The following RSPH14 variants were observed in gnomAD, a reference collection of about 807,000 sequenced individuals.
The protein encoded by RSPH14 is radial spoke head 14 homolog.
Under a neutral mutation model 26.7 loss-of-function variants are expected in RSPH14, and 20 were observed. That is an observed-to-expected ratio of 0.75 (90% CI 0.53 to 1.09). The LOEUF (loss-of-function observed/expected upper bound fraction) is 1.09, where lower values mean the gene tolerates loss of function less well. Among genes scored for constraint, RSPH14 ranks in the 50% least tolerant of loss-of-function variants. The probability of loss-of-function intolerance (pLI) is 0.00; values close to 1 mark genes in which losing one functional copy is unlikely to be tolerated. For missense variants in RSPH14, 449 were observed against 457.2 expected (o/e 0.98, Z 0.16); for synonymous variants, 177 against 189.3 (o/e 0.93, Z 0.53).
chr22:23,076,618 GC>G (rs1382678956), intron 4 of RSPH14, among the ~76,000 whole-genome samples: 1 of 152,254 alleles, frequency 6.6e-6, no homozygotes, highest in Non-Finnish European at 1.5e-5. Context: ...GTGGACAGAT[GC>G]CTCGGGCTGA....
chr22:23,083,799 G>A (rs746588768), intron 4 of RSPH14, among the ~76,000 whole-genome samples: 4 of 152,190 alleles, frequency 2.6e-5, no homozygotes, highest in Non-Finnish European at 4.4e-5. Flanking sequence ...CCGAACCAGC[G>A]GCACACCACA....
At chr22:23,170,211 A>C in the RSPH14 span, among the ~76,000 whole-genome samples, 1 of 152,234 alleles carries the variant, frequency 6.6e-6, no homozygotes, top group East Asian at 1.9e-4. Context: ...TATATCCTCC[A>C]AAGAACTGAA....
upstream of RSPH14, among the ~76,000 whole-genome samples, chr22:23,142,503 A>G (rs2070621902): frequency 6.6e-6 from 1 of 152,140 alleles, no homozygotes; most frequent in African/African-American, 2.4e-5. Flanking sequence ...ACACCCAGCT[A>G]ATTTTTGTAT....
intron 4 of RSPH14, among the ~76,000 whole-genome samples, chr22:23,075,706 A>G (rs961061751): frequency 5.9e-5 from 9 of 152,178 alleles, no homozygotes; most frequent in African/African-American, 1.7e-4. Flanking sequence ...GCAGCCTCCA[A>G]CCAGAAACAC....
At chr22:23,096,038 G>A in intron 4 of RSPH14, 1 of 1,606,986 alleles carries the variant, frequency 6.2e-7, no homozygotes. Flanking sequence ...GGGCCCCGCT[G>A]AGAGCAAGGG....
intron 4 of RSPH14, among the ~76,000 whole-genome samples, chr22:23,099,034 G>T (rs2069212189): frequency 6.6e-6 from 1 of 152,270 alleles, no homozygotes; most frequent in African/African-American, 2.4e-5. Context: ...CAGTGCCAGG[G>T]CTCTGGACAC....
intron 1 of RSPH14, among the ~76,000 whole-genome samples, chr22:23,141,492 A>C (rs966180548): frequency 6.6e-6 from 1 of 152,140 alleles, no homozygotes; most frequent in Non-Finnish European, 1.5e-5. Flanking sequence ...CTGCAGCTTC[A>C]AAGGGGAGAT....
intron 3 of RSPH14, chr22:23,136,173 G>T: frequency 1.5e-6 from 1 of 679,858 alleles, no homozygotes; most frequent in Non-Finnish European, 2.7e-6. Context: ...GTTTGCCTGT[G>T]TGCCTCCTCA....
At chr22:23,067,249 C>T (rs190423695) in intron 4 of RSPH14, among the ~76,000 whole-genome samples, 1 of 152,132 alleles carries the variant, frequency 6.6e-6, no homozygotes, top group East Asian at 1.9e-4. Flanking sequence ...GTGCTGACAC[C>T]ATGTTGAGGG....
At chr22:23,141,106 G>A (rs908243925) in intron 1 of RSPH14, among the ~76,000 whole-genome samples, 5 of 152,074 alleles carry the variant, frequency 3.3e-5, no homozygotes, top group Admixed American at 1.3e-4. Context: ...CGAGGCAGGC[G>A]GATCACAAGG....
At chr22:23,078,804 C>G (rs1053119013) in intron 4 of RSPH14, among the ~76,000 whole-genome samples, 5 of 152,214 alleles carry the variant, frequency 3.3e-5, no homozygotes, top group Non-Finnish European at 7.3e-5. Flanking sequence ...GGGGTAGCAA[C>G]AGAAGCCCAG....
the RSPH14 span, among the ~76,000 whole-genome samples, chr22:23,151,593 A>G: frequency 2.6e-5 from 4 of 152,186 alleles, no homozygotes; most frequent in African/African-American, 9.7e-5. Context: ...AGTGTTGTCA[A>G]CAGTCCCAGG....
chr22:23,073,048 A>C (rs2146244781), intron 4 of RSPH14, among the ~76,000 whole-genome samples: 1 of 152,360 alleles, frequency 6.6e-6, no homozygotes, highest in East Asian at 1.9e-4. Flanking sequence ...GTGTGTGAAC[A>C]CATGTGTGCG....
chr22:23,097,280 T>A (rs773473842), intron 4 of RSPH14, among the ~76,000 whole-genome samples: 15 of 152,230 alleles, frequency 9.9e-5, no homozygotes, highest in Non-Finnish European at 1.6e-4. Context: ...TTGGGAGCAC[T>A]GGCCTCCGAG....
intron 1 of RSPH14, among the ~76,000 whole-genome samples, chr22:23,141,434 T>G (rs1001952032): frequency 3.3e-5 from 5 of 152,020 alleles, no homozygotes; most frequent in Non-Finnish European, 7.4e-5. Flanking sequence ...TGGCTCCAGA[T>G]TCAGGCCTGG....
At chr22:23,117,485 C>G (rs1375819224) in intron 4 of RSPH14, among the ~76,000 whole-genome samples, 1 of 152,226 alleles carries the variant, frequency 6.6e-6, no homozygotes, top group African/African-American at 2.4e-5. Context: ...GCTGAGCTGG[C>G]CCTGCATTTG....
chr22:23,104,689 GGA>G (rs1043681666), intron 4 of RSPH14, among the ~76,000 whole-genome samples: 2 of 152,088 alleles, frequency 1.3e-5, no homozygotes, highest in Admixed American at 6.5e-5. Flanking sequence ...GCTGACTTGG[GGA>G]TCCCTAGTAA....
At chr22:23,153,584 T>C in the RSPH14 span, 18 of 985,068 alleles carry the variant, frequency 1.8e-5, no homozygotes, top group Non-Finnish European at 2.0e-5. Context: ...AGGGCTGAGA[T>C]GGAGTACACA....
At chr22:23,110,268 C>T (rs759961083) in intron 4 of RSPH14, among the ~76,000 whole-genome samples, 21 of 152,112 alleles carry the variant, frequency 1.4e-4, no homozygotes, top group East Asian at 1.4e-3. Context: ...TTTTGAGCCT[C>T]GTGAGCCCAG....
Sources: allele counts gnomAD v4.1 joint callset (sites outside exome capture counted in the v4.1 genomes callset), GRCh38; gene constraint gnomAD v4.1.1; transcripts MANE v1.5; gene names NCBI Gene and HGNC (gene_info 2026-07-23, HGNC 2026-07-21).